Variants in HS6ST3 observed in about 807,000 individuals in gnomAD.
HS6ST3 encodes the protein heparan-sulfate 6-O-sulfotransferase 3.
A neutral mutation model predicts 36.7 loss-of-function variants in HS6ST3; 12 were observed. The ratio of observed to expected loss-of-function variants is 0.33; its 90% confidence interval spans 0.21 to 0.53. The LOEUF is 0.53. HS6ST3 is among the 20% of genes least tolerant of loss of function. The probability of loss-of-function intolerance (pLI) is 0.95; values close to 1 mark genes in which losing one functional copy is unlikely to be tolerated. For missense variants in HS6ST3, 584 were observed against 640.9 expected, an observed-to-expected ratio of 0.91 and a Z score of 0.96; for synonymous variants, 240 against 257.5, an observed-to-expected ratio of 0.93 and a Z score of 0.65.
At chr13:96,517,340 G>T (rs1394646792) in intron 1 of HS6ST3, among the ~76,000 whole-genome samples, 2 of 152,100 alleles carry the variant, frequency 1.3e-5, no homozygotes. Flanking sequence ...TGATTGTGCT[G>T]CTGCACTCCA....
At chr13:96,235,863 T>C (rs1164341341) in intron 1 of HS6ST3, among the ~76,000 whole-genome samples, 2 of 152,102 alleles carry the variant, frequency 1.3e-5, no homozygotes, top group African/African-American at 2.4e-5. Context: ...CATGTATATA[T>C]GGAGGGGAGT....
intron 1 of HS6ST3, among the ~76,000 whole-genome samples, chr13:96,540,783 A>G (rs2056174561): frequency 6.6e-6 from 1 of 152,104 alleles, no homozygotes; most frequent in African/African-American, 2.4e-5. Flanking sequence ...AGGCATTCCT[A>G]TTTATTTCTG....
rs577221105 is a variant in HS6ST3 at position 96,157,879 on chromosome 13, C to T, written c.707+66310C>T. On this transcript the variant is annotated intron_variant, in intron 1 of 1. Coordinates refer to ENST00000376705, the MANE Select transcript of HS6ST3 (RefSeq NM_153456.4). The stretch of plus-strand genomic sequence containing the variant: ...CGAAGCAGATATCTTTGGAGACGCA[C>T]TGTGAGCTAGGACACAGGGAGGAAT... 4.6e-5 allele frequency among the ~76,000 whole-genome samples: 7 copies of T among 152,306 alleles called. 1 individual carries two copies. The highest frequency in any genetic ancestry group is 1.3e-4 in the Admixed American group (2 of 15,298).
intron 1 of HS6ST3, among the ~76,000 whole-genome samples, chr13:96,680,868 G>A (rs1339199882): frequency 3.9e-5 from 6 of 152,222 alleles, no homozygotes; most frequent in Non-Finnish European, 8.8e-5. Flanking sequence ...GCATGTGGGT[G>A]GGTGAGAAAG....
chr13:96,556,247 C>G (rs1327193636), intron 1 of HS6ST3, among the ~76,000 whole-genome samples: 1 of 152,064 alleles, frequency 6.6e-6, no homozygotes, highest in Admixed American at 6.6e-5. Flanking sequence ...ATAGGAGGGG[C>G]CTGGTTGTTC....
At chr13:96,126,647 T>A (rs543925013) in intron 1 of HS6ST3, among the ~76,000 whole-genome samples, 16 of 152,254 alleles carry the variant, frequency 1.1e-4, no homozygotes, top group African/African-American at 3.6e-4. Context: ...GTACGGTATT[T>A]GGGAACAGGA....
intron 1 of HS6ST3, among the ~76,000 whole-genome samples, chr13:96,189,385 C>T (rs1487685978): frequency 6.6e-6 from 1 of 151,508 alleles, no homozygotes; most frequent in African/African-American, 2.4e-5. Context: ...GTTATCCAAC[C>T]ATTAATTTTC....
chr13:96,736,331 A>G (rs1876283921), intron 1 of HS6ST3, among the ~76,000 whole-genome samples: 1 of 152,198 alleles, frequency 6.6e-6, no homozygotes, highest in Admixed American at 6.5e-5. Flanking sequence ...TTAATAAAGT[A>G]TTGGCAACAT....
chr13:96,695,624 A>G (rs1482212324), intron 1 of HS6ST3, among the ~76,000 whole-genome samples: 1 of 114,122 alleles, frequency 8.8e-6, no homozygotes, highest in African/African-American at 3.5e-5. Flanking sequence ...TCTTTTACAG[A>G]TGGAGTCTCA....
intron 1 of HS6ST3, among the ~76,000 whole-genome samples, chr13:96,755,061 G>C (rs1876791001): frequency 6.6e-6 from 1 of 151,594 alleles, no homozygotes; most frequent in Admixed American, 6.6e-5. Context: ...TATATAATTT[G>C]TCAATCTTTG....
chr13:96,817,047 C>T (rs773847510), intron 1 of HS6ST3, among the ~76,000 whole-genome samples: 1 of 152,136 alleles, frequency 6.6e-6, no homozygotes, highest in African/African-American at 2.4e-5. Flanking sequence ...AGGCTGTAAA[C>T]ACCATCAGCA....
At chr13:96,587,703 C>T (rs2056367041) in intron 1 of HS6ST3, among the ~76,000 whole-genome samples, 1 of 152,172 alleles carries the variant, frequency 6.6e-6, no homozygotes, top group Non-Finnish European at 1.5e-5. Flanking sequence ...TGAGAGATGG[C>T]ATTACTCCCT....
At chr13:96,347,156 G>A (rs1288071886) in intron 1 of HS6ST3, among the ~76,000 whole-genome samples, 1 of 152,176 alleles carries the variant, frequency 6.6e-6, no homozygotes, top group African/African-American at 2.4e-5. Flanking sequence ...GCTGTGCCTG[G>A]ATTCCTGATC....
intron 1 of HS6ST3, among the ~76,000 whole-genome samples, chr13:96,823,134 A>ATGTGCCCCATGATGT (rs1878571693): frequency 6.6e-6 from 1 of 152,184 alleles, no homozygotes; most frequent in Non-Finnish European, 1.5e-5. Context: ...CCATGATGTC[A>ATGTGCCCCATGATGT]GGCCTCATGG....
chr13:96,174,396 G>A (rs2389529), intron 1 of HS6ST3, among the ~76,000 whole-genome samples: 144,305 of 152,208 alleles, frequency 0.95, 68,502 homozygotes, highest in African/African-American at 0.97. Flanking sequence ...AATTTTTTAG[G>A]TATTTAATTA....
At chr13:96,217,838 G>A (rs1442707143) in intron 1 of HS6ST3, among the ~76,000 whole-genome samples, 6 of 152,102 alleles carry the variant, frequency 3.9e-5, no homozygotes, top group Admixed American at 2.6e-4. Flanking sequence ...GTGTTTATGT[G>A]TATAGTTAGA....
chr13:96,154,626 A>T (rs528810294), intron 1 of HS6ST3, among the ~76,000 whole-genome samples: 4 of 152,160 alleles, frequency 2.6e-5, no homozygotes, highest in Admixed American at 2.6e-4. Flanking sequence ...TAATAGATGA[A>T]CAGATAAAGA....
chr13:96,233,761 C>A (rs2054519193), intron 1 of HS6ST3, among the ~76,000 whole-genome samples: 1 of 152,104 alleles, frequency 6.6e-6, no homozygotes, highest in African/African-American at 2.4e-5. Flanking sequence ...GGGCAGCAAG[C>A]TGATAATGAC....
chr13:96,191,442 G>A (rs769178139), intron 1 of HS6ST3, among the ~76,000 whole-genome samples: 22 of 152,158 alleles, frequency 1.4e-4, no homozygotes, highest in Middle Eastern at 3.2e-3. Flanking sequence ...TTTATGACTA[G>A]GAGTGCTTAA....
Sources: gnomAD v4.1 joint callset for allele counts (sites outside exome capture counted in the v4.1 genomes callset) on GRCh38, gnomAD v4.1.1 for gene constraint, MANE v1.5 for transcripts, NCBI Gene and HGNC (gene_info 2026-07-23, HGNC 2026-07-21) for gene names.